The following CEP164 variants were observed in gnomAD, a reference collection of about 807,000 sequenced individuals.
The protein encoded by CEP164 is centrosomal protein 164, also known as centrosomal protein of 164 kDa.
In CEP164, 162 loss-of-function variants were observed where a neutral mutation model predicts 182.7. The ratio of observed to expected loss-of-function variants is 0.89; its 90% CI spans 0.78 to 1.01. The LOEUF (loss-of-function observed/expected upper bound fraction) is 1.01, where lower values mean the gene tolerates loss of function less well. Ranked by LOEUF, CEP164 falls within the 50% of genes least tolerant of loss-of-function variation. The pLI, the probability that CEP164 is intolerant of heterozygous loss-of-function variation, is 0.00. For synonymous variants in CEP164, 661 were observed against 690.0 expected (o/e 0.96, Z 0.66); for missense variants, 1,735 against 1,790.4 (o/e 0.97, Z 0.56).
rs1034221971 is a variant in CEP164 at position 117,387,403 on chromosome 11, A to G, written c.1925A>G (p.Gln642Arg). 3.1e-6 allele frequency: 5 copies of G among 1,614,106 alleles called. No homozygotes were observed. Among genetic ancestry groups the G allele is most frequent in the Non-Finnish European group, 4.2e-6 (5 of 1,180,028 alleles). ...EILRLHQQKE[Q>R]SLSSLRERLQ... is the part of the protein sequence containing the mutation. ...CTCCGGCTTCACCAGCAGAAAGAGC[A>G]ATCTCTCAGGTCCTGCCCTTCCCCT... Residue 642 changes from glutamine (Q) to arginine (R), a missense_variant, in exon 15 of 33, where the codon CAA becomes CGA. Transcript: ENST00000278935.
chr11:117,364,913 C>T (rs2041448083), intron 8 of CEP164, among the ~76,000 whole-genome samples: 1 of 152,222 alleles, frequency 6.6e-6, no homozygotes, highest in Non-Finnish European at 1.5e-5. Flanking sequence ...CCAAATGTGA[C>T]ACTTTTTTCT....
chr11:117,392,421 G>C, intron 18 of CEP164, 75 bp from the exon 19 acceptor site: 1 of 1,576,430 alleles, frequency 6.3e-7, no homozygotes, highest in Non-Finnish European at 8.6e-7. Flanking sequence ...CAGGTCCTCA[G>C]AACACATCCC....
chr11:117,363,759 CTT>C (rs72255760), intron 8 of CEP164, among the ~76,000 whole-genome samples: 8 of 58,438 alleles, frequency 1.4e-4, no homozygotes, highest in African/African-American at 1.5e-4. Flanking sequence ...ACCTCCAATG[CTT>C]TTTTTTTTTT....
At chr11:117,396,024 C>A in intron 24 of CEP164, 30 bp from the exon 25 acceptor site, 1 of 1,613,758 alleles carries the variant, frequency 6.2e-7, no homozygotes, top group South Asian at 1.1e-5. Context: ...CAGCCGCTGC[C>A]CTGCCTCTCA....
chr11:117,395,618 G>A lies in CEP164; in HGVS notation c.2985G>A (p.Gln995=), dbSNP rs762166421. 3 of 1,613,856 alleles carry A rather than the reference G, an allele frequency of 1.9e-6. No homozygotes were observed. The highest frequency in any genetic ancestry group is 4.5e-5 in the East Asian group (2 of 44,882). The part of the protein sequence containing the change: ...KEHTHLLQSN[Q]QLREILDELQ... ...ACACCCACCTGTTGCAGTCAAACCAGCAGCTCCGAGAAATTCTTGATGAGC... is the reference window on the plus strand; with the variant it reads ...ACACCCACCTGTTGCAGTCAAACCAACAGCTCCGAGAAATTCTTGATGAGC... The change falls in exon 24 of 33, where the codon CAG becomes CAA. Residue 995 remains glutamine (Q), a synonymous_variant. Coordinates refer to ENST00000278935, the MANE Select transcript of CEP164 (RefSeq NM_014956.5).
chr11:117,355,228 A>G (rs1565465588), intron 5 of CEP164: 1 of 1,289,840 alleles, frequency 7.8e-7, no homozygotes, highest in Non-Finnish European at 1.0e-6. Flanking sequence ...GCAGGAGAGA[A>G]TTAGGTGATC....
chr11:117,397,551 A>G (rs2045639714), intron 27 of CEP164, among the ~76,000 whole-genome samples: 1 of 152,254 alleles, frequency 6.6e-6, no homozygotes, highest in African/African-American at 2.4e-5. Flanking sequence ...CTGCTGATAA[A>G]GACATACCTG....
intron 15 of CEP164, among the ~76,000 whole-genome samples, chr11:117,389,302 A>T (rs1487607583): frequency 1.3e-5 from 2 of 152,060 alleles, no homozygotes; most frequent in Non-Finnish European, 2.9e-5. Context: ...AAGCAGGGGG[A>T]TGTCTGCTTA....
chr11:117,362,531 A>G lies in CEP164; in HGVS notation c.680A>G (p.Asp227Gly). 6.2e-7 allele frequency: 1 copy of G among 1,613,296 alleles called. No individual in the cohort carries two copies. Among genetic ancestry groups the G allele is most frequent in the South Asian group, 1.1e-5 (1 of 91,024 alleles). Residue 227 changes from aspartate (D) to glycine (G), a missense_variant, in exon 7 of 33, where the codon GAC becomes GGC. Coordinates refer to ENST00000278935, the MANE Select transcript of CEP164 (RefSeq NM_014956.5). Reference sequence around the variant, plus strand: ...AATGAGGAGGATGAGGAGGAAAGTGACAACCAGGTAATGATGAAGTCCTCT... The same window carrying G: ...AATGAGGAGGATGAGGAGGAAAGTGGCAACCAGGTAATGATGAAGTCCTCT... ...ETNEEDEEESDNQSVHSSSEP... is the reference protein window; with the variant it reads ...ETNEEDEEESGNQSVHSSSEP...
At chr11:117,382,767 AAC>A in intron 13 of CEP164, 27 bp from the exon 14 acceptor site, 1 of 1,610,602 alleles carries the variant, frequency 6.2e-7, no homozygotes, top group Non-Finnish European at 8.5e-7. Context: ...TACTGGCTTT[AAC>A]ACAGTTGTTT....
intron 22 of CEP164, 42 bp downstream of exon 22, chr11:117,395,045 TCTC>T: frequency 6.2e-6 from 10 of 1,612,832 alleles, no homozygotes; most frequent in Non-Finnish European, 8.5e-6. Context: ...AGTCATAGCT[TCTC>T]TAGCAGAGGG....
chr11:117,411,376 T>A lies in CEP164; in HGVS notation c.4164-419T>A. On this transcript the variant is annotated intron_variant, in intron 31 of 32. Coordinates refer to ENST00000278935, the MANE Select transcript of CEP164 (RefSeq NM_014956.5). This position sits in a 1 kb window ranked among gnomAD's most constrained non-coding sequence, Gnocchi z 4.4. ...GGCAATTATTTAAACCTGTTATTAA[T>A]TTTCCATTCATCTCATTCCTTGCCA... The A allele has an allele frequency of 4.1e-6, 1 of 245,026 alleles. No individual in the cohort carries two copies. The highest frequency in any genetic ancestry group is 8.0e-6 in the Non-Finnish European group (1 of 125,342). The allele number at this position is 245,026 out of a possible 1,614,324, so 15.2% of individuals were successfully genotyped here. A position where few individuals can be genotyped will look rare whatever the true frequency, so the allele number is the denominator to read the frequency against.
At chr11:117,405,719 C>T (rs2046599556) in intron 27 of CEP164, among the ~76,000 whole-genome samples, 1 of 152,184 alleles carries the variant, frequency 6.6e-6, no homozygotes, top group African/African-American at 2.4e-5. Flanking sequence ...ACCCAAGTCA[C>T]CTTTTGAATG....
chr11:117,353,703 A>G (rs939597282), intron 5 of CEP164, among the ~76,000 whole-genome samples: 1 of 152,218 alleles, frequency 6.6e-6, no homozygotes, highest in African/African-American at 2.4e-5. Context: ...TCCAGGGGAC[A>G]GCTCTGAGCC....
intron 5 of CEP164, chr11:117,355,028 C>T (rs2040151891): frequency 7.8e-7 from 1 of 1,289,596 alleles, no homozygotes; most frequent in Non-Finnish European, 1.0e-6. Flanking sequence ...GGACCTAGAT[C>T]AAGAGATGCA....
intron 1 of CEP164, among the ~76,000 whole-genome samples, chr11:117,331,613 G>A (rs1237672869): frequency 6.6e-6 from 1 of 152,156 alleles, no homozygotes; most frequent in Admixed American, 6.6e-5. Context: ...TTTGAATCCA[G>A]GTCTTCTGTC....
chr11:117,339,106 C>T (rs2135076337), intron 3 of CEP164, among the ~76,000 whole-genome samples: 1 of 152,326 alleles, frequency 6.6e-6, no homozygotes, highest in South Asian at 2.1e-4. Context: ...GCGTGAGCCA[C>T]CTTGCCTGGC....
chr11:117,332,669 G>T (rs970585428), intron 1 of CEP164, among the ~76,000 whole-genome samples: 1 of 152,224 alleles, frequency 6.6e-6, no homozygotes, highest in Non-Finnish European at 1.5e-5. Context: ...GTGGTTCTGG[G>T]TTGACAGGAG....
At chr11:117,355,037 C>T in intron 5 of CEP164, 1 of 1,289,736 alleles carries the variant, frequency 7.8e-7, no homozygotes, top group Non-Finnish European at 1.0e-6. Context: ...TCAAGAGATG[C>T]AGGCTATAAG....
Sources: allele counts gnomAD v4.1 joint callset (sites outside exome capture counted in the v4.1 genomes callset), GRCh38; gene constraint gnomAD v4.1.1; non-coding constraint Gnocchi (gnomAD v3.1); transcripts MANE v1.5; gene names NCBI Gene and HGNC (gene_info 2026-07-23, HGNC 2026-07-21).